FER1L6: variants seen among roughly 807,000 people sequenced by gnomAD.
FER1L6 encodes the protein fer-1 like family member 6, also known as fer-1-like protein 6.
A neutral mutation model predicts 219.2 loss-of-function variants in FER1L6; 177 were observed. The ratio of observed to expected loss-of-function variants is 0.81; its 90% CI spans 0.71 to 0.91. The LOEUF is 0.91. Ranked by LOEUF, FER1L6 falls within the 40% of genes least tolerant of loss-of-function variation. The pLI, the probability that FER1L6 is intolerant of heterozygous loss-of-function variation, is 0.00. For missense variants in FER1L6, 2,153 were observed against 2,259.9 expected (o/e 0.95, Z 0.96); for synonymous variants, 768 against 824.3 (o/e 0.93, Z 1.17).
At chr8:124,067,629 T>C in intron 27 of FER1L6, 138 bp from the exon 28 acceptor site, 1 of 752,984 alleles carries the variant, frequency 1.3e-6, no homozygotes, top group East Asian at 2.8e-5. Flanking sequence ...CGGCTTCATT[T>C]TGGGGGACTG....
chr8:123,898,074 G>T (rs141619786), intron 1 of FER1L6, among the ~76,000 whole-genome samples: 441 of 152,170 alleles, frequency 2.9e-3, no homozygotes, highest in Non-Finnish European at 5.2e-3. Context: ...AAATGTAATT[G>T]TATTCAAAAT....
At chr8:123,932,017 G>C (rs1227483051) in intron 1 of FER1L6, among the ~76,000 whole-genome samples, 1 of 152,170 alleles carries the variant, frequency 6.6e-6, no homozygotes, top group Non-Finnish European at 1.5e-5. Flanking sequence ...GAGAGAATAG[G>C]CCTTTTACTC....
In FER1L6 at chr8:124,097,288, G is replaced by T; in HGVS notation, c.4713G>T (p.Trp1571Cys). 6.2e-7 allele frequency: 1 copy of T among 1,613,212 alleles called. No individual in the cohort carries two copies. Among genetic ancestry groups the T allele is most frequent in the Non-Finnish European group, 8.5e-7 (1 of 1,179,498 alleles). The change falls in exon 36 of 41, where the codon TGG becomes TGT. Residue 1571 changes from tryptophan (W) to cysteine (C), a missense_variant. By Grantham distance (215) the Trp-to-Cys change is radical. Transcript: ENST00000522917. ...TTAACAAGGGCCGCCTGCAGATGTG[G>T]GTGGACATGTTTCCCAAGGATATGC... ...PGMEQGRLQM[W>C]VDMFPKDMPQ...
intron 12 of FER1L6, among the ~76,000 whole-genome samples, chr8:123,998,411 T>TCTCTCTCTCTCC (rs1817245289): frequency 6.7e-6 from 1 of 149,282 alleles, no homozygotes; most frequent in East Asian, 2.0e-4. Context: ...TCTCTCTCTC[T>TCTCTCTCTCTCC]CTCTCTCTCT....
At chr8:124,036,666 T>G (rs549159689) in intron 19 of FER1L6, among the ~76,000 whole-genome samples, 1 of 152,264 alleles carries the variant, frequency 6.6e-6, no homozygotes, top group African/African-American at 2.4e-5. Context: ...AATAGGAACC[T>G]CACTTGGCTT....
At chr8:123,985,992 G>A in intron 11 of FER1L6, 76 bp from the exon 12 acceptor site, 1 of 801,106 alleles carries the variant, frequency 1.2e-6, no homozygotes, top group Non-Finnish European at 2.2e-6. Flanking sequence ...TGCTGGATGA[G>A]GCCAGCATCA....
chr8:123,932,496 A>C (rs979748014), intron 1 of FER1L6, among the ~76,000 whole-genome samples: 1 of 152,206 alleles, frequency 6.6e-6, no homozygotes, highest in Non-Finnish European at 1.5e-5. Context: ...ATATAAATTC[A>C]TTTGAAAAAT....
At chr8:124,035,885 G>A (rs1022342979) in intron 19 of FER1L6, 2 of 154,350 alleles carry the variant, frequency 1.3e-5, no homozygotes, top group African/African-American at 4.8e-5. Context: ...TAACCCAGTG[G>A]AGACTGGTAT....
intron 1 of FER1L6, among the ~76,000 whole-genome samples, chr8:123,948,820 A>T (rs1480416824): frequency 1.3e-5 from 2 of 151,754 alleles, no homozygotes; most frequent in Non-Finnish European, 2.9e-5. Context: ...TTACATGATG[A>T]TATGATATGA....
chr8:124,044,076 G>C (rs191663569), intron 20 of FER1L6, among the ~76,000 whole-genome samples: 30 of 152,368 alleles, frequency 2.0e-4, no homozygotes, highest in Non-Finnish European at 4.3e-4. Context: ...TTACAGCCCA[G>C]TGCCAAAGAA....
chr8:124,067,873 G>A, intron 28 of FER1L6, 67 bp downstream of exon 28: 1 of 1,306,952 alleles, frequency 7.7e-7, no homozygotes, highest in East Asian at 2.4e-5. Flanking sequence ...ATTGTAAAAT[G>A]GAAGCCACGG....
chr8:123,970,243 C>G (rs974152914), intron 6 of FER1L6, 146 bp downstream of exon 6: 23 of 733,790 alleles, frequency 3.1e-5, no homozygotes, highest in Non-Finnish European at 5.1e-5. Context: ...ACAGGCAGAA[C>G]TTGAAATCAC....
chr8:123,854,859 A>G (rs1485271060), intron 1 of FER1L6, among the ~76,000 whole-genome samples: 2 of 152,166 alleles, frequency 1.3e-5, no homozygotes, highest in Non-Finnish European at 2.9e-5. Context: ...TCTGCTATAC[A>G]CTTACCATAA....
At chr8:123,887,306 C>T (rs551796331) in intron 1 of FER1L6, among the ~76,000 whole-genome samples, 2 of 152,136 alleles carry the variant, frequency 1.3e-5, no homozygotes, top group South Asian at 4.1e-4. Flanking sequence ...CTAGACCAAA[C>T]CCCCGGTGTT....
At chr8:124,118,429 G>A (rs923325077) in intron 39 of FER1L6, among the ~76,000 whole-genome samples, 3 of 152,158 alleles carry the variant, frequency 2.0e-5, no homozygotes, top group African/African-American at 7.2e-5. Context: ...AGCAAATGTG[G>A]GGCCACTGTC....
intron 20 of FER1L6, among the ~76,000 whole-genome samples, chr8:124,041,855 G>A (rs769082604): frequency 3.3e-5 from 5 of 152,200 alleles, no homozygotes; most frequent in South Asian, 2.1e-4. Flanking sequence ...CAAAATCCAC[G>A]CTCTTCCATT....
rs113834807 is a variant in FER1L6, at chr8:124,083,209, T to C, written c.4391+751T>C. Reference sequence around the variant, plus strand: ...AAAATAGACAATAAATTATTGATTATAGTTGCCCTGTTGTGCTATCAGATA... The same window carrying C: ...AAAATAGACAATAAATTATTGATTACAGTTGCCCTGTTGTGCTATCAGATA... On this transcript the variant is annotated intron_variant, in intron 33 of 40. Transcript: ENST00000522917. Among the ~76,000 whole-genome samples, 809 of 152,320 alleles carry C rather than the reference T, an allele frequency of 5.3e-3. 16 individuals carry two copies. Among genetic ancestry groups the C allele is most frequent in the African/African-American group, 0.019 (772 of 41,566 alleles).
rs145785725 is a variant in FER1L6 at position 124,106,556 on chromosome 8, T to C, written c.5289+3247T>C. Among the ~76,000 whole-genome samples the C allele has an allele frequency of 2.0e-3, 302 of 152,220 alleles. 1 individual carries two copies. Among genetic ancestry groups the C allele is most frequent in the African/African-American group, 6.8e-3 (281 of 41,540 alleles). On this transcript the variant is annotated intron_variant, in intron 39 of 40. Coordinates refer to ENST00000522917, the MANE Select transcript of FER1L6 (RefSeq NM_001039112.2). ...ACCATCCTGAACCCTTCCCGGACTC[T>C]TGCTTGTCTGGTCTGTGGACTGGTC... is the stretch of plus-strand genomic sequence containing the variant.
intron 25 of FER1L6, among the ~76,000 whole-genome samples, chr8:124,063,095 T>C (rs560859039): frequency 6.6e-6 from 1 of 152,344 alleles, no homozygotes; most frequent in Admixed American, 6.5e-5. Context: ...CTTGCTGCCA[T>C]ATTAATCTTC....
Sources: gnomAD v4.1 joint callset for allele counts (sites outside exome capture counted in the v4.1 genomes callset) on GRCh38, gnomAD v4.1.1 for gene constraint, MANE v1.5 for transcripts, NCBI Gene and HGNC (gene_info 2026-07-23, HGNC 2026-07-21) for gene names.